Variants in LRRC43 observed in about 807,000 individuals in gnomAD.
LRRC43 encodes the protein leucine-rich repeat-containing protein 43.
Under a neutral mutation model 64.3 loss-of-function variants are expected in LRRC43, and 62 were observed. That is an observed-to-expected ratio of 0.96 (90% CI 0.79 to 1.19). The LOEUF is 1.19. Among genes scored for constraint, LRRC43 ranks in the 50% most tolerant of loss-of-function variants. The pLI, the probability that LRRC43 is intolerant of heterozygous loss-of-function variation, is 0.00. For synonymous variants in LRRC43, 422 were observed against 382.3 expected, an observed-to-expected ratio of 1.10 and a Z score of -1.21; for missense variants, 868 against 845.0, an observed-to-expected ratio of 1.03 and a Z score of -0.34.
intron 1 of LRRC43, among the ~76,000 whole-genome samples, chr12:122,176,014 G>A (rs773031139): frequency 1.3e-5 from 2 of 152,174 alleles, no homozygotes; most frequent in Non-Finnish European, 2.9e-5. Flanking sequence ...ATTTTATAGG[G>A]TATCGGGAAT....
rs1427388769 is a variant in LRRC43, at chr12:122,184,690, C to T, written c.322C>T (p.Leu108=). 1.2e-6 allele frequency: 2 copies of T among 1,613,956 alleles called. No individual in the cohort carries two copies. The highest frequency in any genetic ancestry group is 1.7e-6 in the Non-Finnish European group (2 of 1,179,882). The change falls in exon 2 of 12, where the codon CTG becomes TTG. Residue 108 remains leucine (L), a synonymous_variant. Coordinates refer to ENST00000339777, the MANE Select transcript of LRRC43 (RefSeq NM_001098519.2). The surrounding 1 kb of genome is among the most constrained non-coding windows in gnomAD (Gnocchi z 4.0). ...LNNSNAEDSF[L]RELAIRNPLT... ...CAACTCGAATGCAGAAGACAGTTTC[C>T]TGAGAGAATTGGCCATCCGGAACCC...
Position 122,184,463 on chromosome 12 carries a change from G to C in LRRC43, c.151-56G>C. 1 of 1,580,536 alleles carries C rather than the reference G, an allele frequency of 6.3e-7. No homozygotes were observed. Among genetic ancestry groups the C allele is most frequent in the Non-Finnish European group, 8.6e-7 (1 of 1,160,866 alleles). ...TGATCTGTTCTGTTTTGAGAGTTTG[G>C]TGTCCTTAAGGGGGCTGTGTCACAC... On this transcript the variant is annotated intron_variant, in intron 1 of 11. Coordinates refer to ENST00000339777, the MANE Select transcript of LRRC43 (RefSeq NM_001098519.2). The surrounding 1 kb of genome is among the most constrained non-coding windows in gnomAD (Gnocchi z 4.0).
At position 122,192,799 on chromosome 12, in the gene LRRC43, G is replaced by GT. The variant is rs1249384123; in HGVS notation, c.1145dup (p.Val383ArgfsTer10). 1 of 1,614,074 alleles carries GT rather than the reference G, an allele frequency of 6.2e-7. No homozygotes were observed. The highest frequency in any genetic ancestry group is 2.2e-5 in the East Asian group (1 of 44,890). ...ATTAGTTGAGGAATCTCCTGAAGAGGTCGTGGAAGACGTCATCGAAGACAT... is the reference window on the plus strand; with the variant it reads ...ATTAGTTGAGGAATCTCCTGAAGAGGTTCGTGGAAGACGTCATCGAAGACAT... On this transcript the variant is annotated frameshift_variant, in exon 7 of 12. Coordinates refer to ENST00000339777, the MANE Select transcript of LRRC43 (RefSeq NM_001098519.2). LOFTEE classifies it high-confidence loss of function.
upstream of LRRC43, among the ~76,000 whole-genome samples, chr12:122,178,593 T>C (rs1462992538): frequency 2.2e-5 from 3 of 138,340 alleles, no homozygotes; most frequent in Admixed American, 1.5e-4. Flanking sequence ...TTTTTTTTTT[T>C]TTTTTTTTTT....
intron 3 of LRRC43, 136 bp from the exon 4 acceptor site, chr12:122,187,565 C>G: frequency 3.2e-6 from 2 of 623,984 alleles, no homozygotes; most frequent in Non-Finnish European, 5.3e-6. Flanking sequence ...AAAAGGGAGT[C>G]GGGGTGGTGC....
At chr12:122,170,481 A>AC in intron 1 of LRRC43, among the ~76,000 whole-genome samples, 1 of 152,062 alleles carries the variant, frequency 6.6e-6, no homozygotes, top group East Asian at 1.9e-4. Flanking sequence ...AATACAAAAA[A>AC]TTAGCCGGGC....
At chr12:122,168,441 C>CA (rs557937624) in intron 1 of LRRC43, among the ~76,000 whole-genome samples, 3,016 of 120,768 alleles carry the variant, frequency 0.025, 46 homozygotes, top group Non-Finnish European at 0.038. Flanking sequence ...AACTCTGTCT[C>CA]AAAAAAAAAA....
rs775386171 is a variant in LRRC43, at chr12:122,186,231, G to T, written c.453G>T (p.Leu151=). ...VDKDLLKFLK[L]EELVLSANRI... is the part of the protein sequence containing the mutation. ...AAGACCTCCTGAAATTTCTAAAGCT[G>T]GAGGAGTTGGTACTGAGCGCCAATC... is the stretch of plus-strand genomic sequence containing the variant. The change falls in exon 3 of 12, where the codon CTG becomes CTT. Residue 151 remains leucine, a synonymous_variant. Coordinates refer to ENST00000339777, the MANE Select transcript of LRRC43 (RefSeq NM_001098519.2). 19 of 1,605,508 alleles carry T rather than the reference G, an allele frequency of 1.2e-5. No homozygotes were observed. The highest frequency in any genetic ancestry group is 1.6e-5 in the Non-Finnish European group (19 of 1,176,448).
At chr12:122,180,305 G>A (rs138485093), upstream of LRRC43, among the ~76,000 whole-genome samples, 30 of 152,270 alleles carry the variant, frequency 2.0e-4, no homozygotes, top group African/African-American at 6.3e-4. Context: ...GATCACTTGA[G>A]GTCAGGAGTT....
intron 1 of LRRC43, among the ~76,000 whole-genome samples, chr12:122,177,142 C>T (rs370879123): frequency 1.7e-4 from 26 of 152,126 alleles, no homozygotes; most frequent in African/African-American, 6.3e-4. Context: ...GTCATGATTA[C>T]TATTCAGTTT....
intron 6 of LRRC43, among the ~76,000 whole-genome samples, chr12:122,192,517 C>G (rs938902374): frequency 1.3e-5 from 2 of 152,214 alleles, no homozygotes; most frequent in African/African-American, 2.4e-5. Flanking sequence ...CAGGAGAAAC[C>G]TGTCTCCTCC....
chr12:122,188,044 G>T (rs1308230558), intron 4 of LRRC43: 1 of 538,568 alleles, frequency 1.9e-6, no homozygotes, highest in Non-Finnish European at 3.3e-6. Context: ...AGAACAAGAG[G>T]TAGTAGGTGT....
In LRRC43 at chr12:122,200,737, T is replaced by C. The variant is rs768764446; in HGVS notation, c.1621-9T>C. 2 of 1,612,748 alleles carry C rather than the reference T, an allele frequency of 1.2e-6. No individual in the cohort carries two copies. Among genetic ancestry groups the C allele is most frequent in the Admixed American group, 1.7e-5 (1 of 59,986 alleles). Reference sequence around the variant, plus strand: ...CTTGTCCCACCCTCCTGTCCTCCCGTCGTCGCAGGAGTGGAAGGTGCTGAA... The same window carrying C: ...CTTGTCCCACCCTCCTGTCCTCCCGCCGTCGCAGGAGTGGAAGGTGCTGAA... On this transcript the variant is annotated splice_polypyrimidine_tract_variant and intron_variant, in intron 9 of 11. Coordinates refer to ENST00000339777, the MANE Select transcript of LRRC43 (RefSeq NM_001098519.2). The surrounding 1 kb of genome is among the most constrained non-coding windows in gnomAD (Gnocchi z 4.6).
intron 1 of LRRC43, chr12:122,173,729 C>A: frequency 4.5e-6 from 4 of 884,304 alleles, no homozygotes; most frequent in Non-Finnish European, 7.1e-6. Flanking sequence ...TTCCCCCATC[C>A]CTTCCTGGCA....
At chr12:122,174,241 G>A (rs1319278284) in intron 1 of LRRC43, 67 of 1,592,138 alleles carry the variant, frequency 4.2e-5, no homozygotes, top group Non-Finnish European at 5.6e-5. Context: ...TGGCTGCCTG[G>A]AGGTATATAA....
chr12:122,201,401 G>A (rs1953837463), intron 11 of LRRC43, 72 bp downstream of exon 11: 2 of 1,441,506 alleles, frequency 1.4e-6, no homozygotes, highest in African/African-American at 2.8e-5. Context: ...CCTGGGGGAG[G>A]CCAAAGGAAC....
intron 4 of LRRC43, chr12:122,189,338 C>G (rs1001047474): frequency 6.8e-6 from 3 of 442,788 alleles, no homozygotes; most frequent in African/African-American, 6.0e-5. Flanking sequence ...CTGGAGCGGG[C>G]GGACGCAGCA....
intron 11 of LRRC43, chr12:122,201,879 A>T (rs1207631830): frequency 6.5e-6 from 1 of 154,080 alleles, no homozygotes; most frequent in Non-Finnish European, 1.4e-5. Context: ...CACGCCTGTA[A>T]TCCCAGCACT....
In LRRC43 at chr12:122,170,588, A is replaced by G. The variant is rs145345274; in HGVS notation, c.-406+2806A>G. 2.1e-3 allele frequency among the ~76,000 whole-genome samples: 320 copies of G among 151,948 alleles called. 2 individuals are homozygous for G. The highest frequency in any genetic ancestry group is 7.4e-3 in the African/African-American group (307 of 41,462). ...GGAGCTTGCAGTGAGCCGAGATTGC[A>G]CCACTGCACTCCAGCCTGGGTGACA... On this transcript the variant is annotated intron_variant, in intron 1 of 5. Coordinates refer to the LRRC43 transcript ENST00000537729.
Sources: allele counts gnomAD v4.1 joint callset (sites outside exome capture counted in the v4.1 genomes callset), GRCh38; gene constraint gnomAD v4.1.1; non-coding constraint Gnocchi (gnomAD v3.1); transcripts MANE v1.5; gene names NCBI Gene and HGNC (gene_info 2026-07-23, HGNC 2026-07-21).